Variants in ADAMTS19 observed in about 807,000 individuals in gnomAD.
The protein encoded by ADAMTS19 is ADAM metallopeptidase with thrombospondin type 1 motif 19.
ADAMTS19 carries 93 observed loss-of-function variants against 153.3 expected under a neutral mutation model. The ratio of observed to expected loss-of-function variants is 0.61; its 90% CI spans 0.51 to 0.72. The LOEUF is 0.72. Among genes scored for constraint, ADAMTS19 ranks in the 30% least tolerant of loss-of-function variants. The pLI is 0.00. For synonymous variants in ADAMTS19, 600 were observed against 556.6 expected, an observed-to-expected ratio of 1.08 and a Z score of -1.10; for missense variants, 1,482 against 1,552.1, an observed-to-expected ratio of 0.95 and a Z score of 0.76.
intron 2 of ADAMTS19, among the ~76,000 whole-genome samples, chr5:129,462,620 G>GGT (rs1749720148): frequency 6.6e-6 from 1 of 150,874 alleles, no homozygotes; most frequent in Non-Finnish European, 1.5e-5. Flanking sequence ...TGTGTGTGGG[G>GGT]GGGTCAAATA....
At chr5:129,543,037 G>GT (rs1752709674) in intron 6 of ADAMTS19, among the ~76,000 whole-genome samples, 3 of 141,156 alleles carry the variant, frequency 2.1e-5, no homozygotes, top group Non-Finnish European at 3.1e-5. Context: ...TTTTGTTGTT[G>GT]TTGTTGTTTT....
intron 21 of ADAMTS19, among the ~76,000 whole-genome samples, chr5:129,722,124 G>A (rs1177098301): frequency 2.6e-5 from 4 of 152,046 alleles, no homozygotes; most frequent in Admixed American, 2.6e-4. Flanking sequence ...CCCAGTAATG[G>A]GATTGCTGGA....
Position 129,487,886 on chromosome 5 carries a change from A to G in ADAMTS19, c.748-21191A>G, listed in dbSNP as rs184839866. ...ACATATTGAATTAATGAGAATTGCCATATATACATATTTCTTTGGGTAGCT... is the reference window on the plus strand; with the variant it reads ...ACATATTGAATTAATGAGAATTGCCGTATATACATATTTCTTTGGGTAGCT... On this transcript the variant is annotated intron_variant, in intron 2 of 22. Coordinates refer to ENST00000274487, the MANE Select transcript of ADAMTS19 (RefSeq NM_133638.6). 7.1e-4 allele frequency among the ~76,000 whole-genome samples: 108 copies of G among 152,242 alleles called. 2 individuals carry two copies. The highest frequency in any genetic ancestry group is 2.5e-3 in the African/African-American group (104 of 41,584).
intron 15 of ADAMTS19, among the ~76,000 whole-genome samples, chr5:129,663,593 T>A (rs1206614787): frequency 1.3e-5 from 2 of 152,166 alleles, no homozygotes; most frequent in Non-Finnish European, 2.9e-5. Context: ...GTTACTAAGT[T>A]CAGAAATTTT....
chr5:129,707,972 A>G (rs1756245038), intron 21 of ADAMTS19, among the ~76,000 whole-genome samples: 1 of 152,214 alleles, frequency 6.6e-6, no homozygotes, highest in African/African-American at 2.4e-5. Flanking sequence ...GCTATTGGGC[A>G]AAGGTAGTAT....
intron 7 of ADAMTS19, among the ~76,000 whole-genome samples, chr5:129,556,773 T>A (rs1753328676): frequency 6.6e-6 from 1 of 152,032 alleles, no homozygotes; most frequent in Non-Finnish European, 1.5e-5. Context: ...AATGAGGGGG[T>A]TACTAGTGAA....
At chr5:129,501,146 G>A (rs928427487) in intron 2 of ADAMTS19, among the ~76,000 whole-genome samples, 4 of 151,992 alleles carry the variant, frequency 2.6e-5, no homozygotes, top group South Asian at 2.1e-4. Context: ...GTTCCACTAC[G>A]TTTAAATTCT....
At chr5:129,554,737 C>T (rs1189972476) in intron 7 of ADAMTS19, among the ~76,000 whole-genome samples, 7 of 152,056 alleles carry the variant, frequency 4.6e-5, no homozygotes, top group Non-Finnish European at 1.5e-5. Context: ...TTTTACGTTA[C>T]TTGTAGCCTA....
intron 7 of ADAMTS19, among the ~76,000 whole-genome samples, chr5:129,568,088 A>G (rs893341158): frequency 1.1e-4 from 17 of 152,186 alleles, no homozygotes; most frequent in African/African-American, 3.9e-4. Context: ...AAATGAAGAA[A>G]AACTAAGAGA....
intron 10 of ADAMTS19, among the ~76,000 whole-genome samples, chr5:129,624,422 T>C (rs895457142): frequency 1.3e-5 from 2 of 152,138 alleles, no homozygotes; most frequent in African/African-American, 4.8e-5. Flanking sequence ...ATGAAAGATT[T>C]TGAGGTACAA....
intron 15 of ADAMTS19, 55 bp from the exon 16 acceptor site, chr5:129,665,443 GA>G: frequency 7.1e-7 from 1 of 1,409,896 alleles, no homozygotes; most frequent in Non-Finnish European, 9.7e-7. Flanking sequence ...AGTCAATGAA[GA>G]AAAGAGATTT....
chr5:129,574,001 C>T (rs1453469457), intron 7 of ADAMTS19, among the ~76,000 whole-genome samples: 1 of 151,964 alleles, frequency 6.6e-6, no homozygotes, highest in African/African-American at 2.4e-5. Flanking sequence ...CACACATTTA[C>T]CCAATGTTGT....
rs568589984 is a variant in ADAMTS19 at position 129,470,787 on chromosome 5, G to C, written c.747+9030G>C. ...ACTCAGATGATCAGGGAATGGTGCT[G>C]GTGAGCCCAGGCCAGTTTGGGCATT... On this transcript the variant is annotated intron_variant, in intron 2 of 22. Transcript: ENST00000274487. 3.4e-4 allele frequency among the ~76,000 whole-genome samples: 52 copies of C among 152,230 alleles called. 1 individual carries two copies. In the South Asian group the frequency reaches 0.011, roughly 32 times the overall value.
intron 3 of ADAMTS19, among the ~76,000 whole-genome samples, chr5:129,522,316 T>TACACACACACACACACACAC (rs1186259435): frequency 1.7e-4 from 16 of 91,944 alleles, no homozygotes; most frequent in African/African-American, 7.5e-4. Flanking sequence ...TATATATATA[T>TACACACACACACACACACAC]ACACACACAC....
At chr5:129,485,838 C>A (rs958176918) in intron 2 of ADAMTS19, among the ~76,000 whole-genome samples, 2 of 152,036 alleles carry the variant, frequency 1.3e-5, no homozygotes, top group African/African-American at 4.8e-5. Flanking sequence ...TGTTGCCAGG[C>A]TGGAATGCAG....
intron 15 of ADAMTS19, among the ~76,000 whole-genome samples, chr5:129,662,090 CTATAAT>C (rs1753839400): frequency 6.6e-6 from 1 of 152,058 alleles, no homozygotes; most frequent in South Asian, 2.1e-4. Flanking sequence ...ACCTTGGAGA[CTATAAT>C]TATGGTTAAA....
intron 2 of ADAMTS19, among the ~76,000 whole-genome samples, chr5:129,466,337 T>C (rs969942908): frequency 7.2e-6 from 1 of 139,466 alleles, no homozygotes; most frequent in Admixed American, 6.9e-5. Flanking sequence ...AAGAAAATAA[T>C]ATTAAGAGTC....
At chr5:129,499,462 G>T (rs780489844) in intron 2 of ADAMTS19, among the ~76,000 whole-genome samples, 1 of 151,964 alleles carries the variant, frequency 6.6e-6, no homozygotes, top group Admixed American at 6.6e-5. Context: ...TTGTGATGTT[G>T]TATATGATAG....
chr5:129,710,136 C>G (rs1402589781), intron 21 of ADAMTS19, among the ~76,000 whole-genome samples: 1 of 152,094 alleles, frequency 6.6e-6, no homozygotes, highest in Non-Finnish European at 1.5e-5. Flanking sequence ...CCCTGCCTCA[C>G]CAACAAGCCC....
Sources: gnomAD v4.1 joint callset for allele counts (sites outside exome capture counted in the v4.1 genomes callset) on GRCh38, gnomAD v4.1.1 for gene constraint, MANE v1.5 for transcripts, NCBI Gene and HGNC (gene_info 2026-07-23, HGNC 2026-07-21) for gene names.